Variants in MAP2K5 observed in about 807,000 individuals in gnomAD.
MAP2K5 encodes mitogen-activated protein kinase kinase 5.
MAP2K5 carries 49 observed loss-of-function variants against 83.1 expected under a neutral mutation model. The ratio of observed to expected loss-of-function variants is 0.59; its 90% CI spans 0.47 to 0.75. The LOEUF is 0.75. Ranked by LOEUF, MAP2K5 falls within the 30% of genes least tolerant of loss-of-function variation. The probability of loss-of-function intolerance (pLI) is 0.00; values close to 1 mark genes in which losing one functional copy is unlikely to be tolerated. For synonymous variants in MAP2K5, 202 were observed against 191.8 expected (o/e 1.05, Z -0.44); for missense variants, 457 against 557.5 (o/e 0.82, Z 1.82).
In MAP2K5 at chr15:67,722,254, CCTCA is replaced by C. The variant is rs1201454381; in HGVS notation, c.1045-5658_1045-5655del. ...GTTATACATTAAAAATTGAAGCTTT[CCTCA>C]CTCTGAGGCCTTTCAAGGCTTTGTT... On this transcript the variant is annotated intron_variant, in intron 16 of 21. Coordinates refer to ENST00000178640, the MANE Select transcript of MAP2K5 (RefSeq NM_145160.3). This position sits in a 1 kb window ranked among gnomAD's most constrained non-coding sequence, Gnocchi z 4.2. Among the ~76,000 whole-genome samples the C allele has an allele frequency of 6.6e-6, 1 of 152,190 alleles. No individual in the cohort carries two copies. The highest frequency in any genetic ancestry group is 2.4e-5 in the African/African-American group (1 of 41,436).
chr15:67,756,634 A>G (rs1413168998), intron 19 of MAP2K5, among the ~76,000 whole-genome samples: 2 of 150,454 alleles, frequency 1.3e-5, no homozygotes, highest in African/African-American at 4.9e-5. Context: ...TATACTCACC[A>G]TGCTATATTT....
intron 19 of MAP2K5, among the ~76,000 whole-genome samples, chr15:67,756,710 C>T (rs1377901080): frequency 3.3e-5 from 5 of 152,150 alleles, no homozygotes; most frequent in African/African-American, 1.2e-4. Flanking sequence ...CTCCAAGCCC[C>T]TGGTAACTAC....
chr15:67,762,886 C>A (rs367991311), intron 19 of MAP2K5, among the ~76,000 whole-genome samples: 3 of 152,138 alleles, frequency 2.0e-5, no homozygotes, highest in Admixed American at 2.0e-4. Flanking sequence ...GCCTTTACCC[C>A]GTGGTTCCAG....
Position 67,801,462 on chromosome 15 carries a change from C to T in MAP2K5, c.1243-5184C>T, listed in dbSNP as rs144439366. Reference sequence around the variant, plus strand: ...GTGCTCACCCTGAGGCAGAGCAGTCCTGTGGTCCAGAGAGCCACCAAATGT... The same window carrying T: ...GTGCTCACCCTGAGGCAGAGCAGTCTTGTGGTCCAGAGAGCCACCAAATGT... On this transcript the variant is annotated intron_variant, in intron 21 of 21. Transcript: ENST00000178640. The surrounding 1 kb of genome is among the most constrained non-coding windows in gnomAD (Gnocchi z 4.8). Among the ~76,000 whole-genome samples, 40 of 152,302 alleles carry T rather than the reference C, an allele frequency of 2.6e-4. 1 individual carries two copies. The highest frequency in any genetic ancestry group is 2.0e-3 in the Admixed American group (31 of 15,298).
chr15:67,550,115 C>T, intron 2 of MAP2K5, 33 bp downstream of exon 2: 1 of 1,589,560 alleles, frequency 6.3e-7, no homozygotes, highest in Non-Finnish European at 8.6e-7. Flanking sequence ...CTTGACTATT[C>T]CTTTCTGCAG....
intron 8 of MAP2K5, among the ~76,000 whole-genome samples, chr15:67,611,515 G>A (rs1156809768): frequency 1.3e-5 from 2 of 152,100 alleles, no homozygotes; most frequent in Non-Finnish European, 2.9e-5. Context: ...GATGCCAAGA[G>A]GTACTCAGAG....
intron 16 of MAP2K5, among the ~76,000 whole-genome samples, chr15:67,727,356 C>T (rs1434963807): frequency 6.6e-6 from 1 of 152,198 alleles, no homozygotes; most frequent in East Asian, 1.9e-4. Context: ...CAGACTTAGA[C>T]CTACAGTTCT....
rs914665071 is a variant in MAP2K5, at chr15:67,755,216, T to A, written c.1134+6615T>A. ...CTGGTCTCAAACTCCTGACCTCAAG[T>A]GATCGCCCGCCTCAGCCTCCCAAAG... On this transcript the variant is annotated intron_variant, in intron 19 of 21. Coordinates refer to ENST00000178640, the MANE Select transcript of MAP2K5 (RefSeq NM_145160.3). The surrounding 1 kb of genome is among the most constrained non-coding windows in gnomAD (Gnocchi z 4.7). Among the ~76,000 whole-genome samples the A allele has an allele frequency of 6.6e-6, 1 of 152,100 alleles. No homozygotes were observed. Among genetic ancestry groups the A allele is most frequent in the African/African-American group, 2.4e-5 (1 of 41,400 alleles).
In MAP2K5 at chr15:67,769,613, C is replaced by CT; in HGVS notation, c.1146_1147insT (p.Leu383SerfsTer29). On this transcript the variant is annotated frameshift_variant, in exon 20 of 22. Transcript: ENST00000178640. LOFTEE classifies it high-confidence loss of function. The surrounding 1 kb of genome is among the most constrained non-coding windows in gnomAD (Gnocchi z 5.2). Reference sequence around the variant, plus strand: ...TTCCTCCATCACAGGATTCGCCCGTCCTTCCAGTTGGAGAGTTCTCGGAGC... The same window carrying CT: ...TTCCTCCATCACAGGATTCGCCCGTCTCTTCCAGTTGGAGAGTTCTCGGAGC... 1 of 1,613,796 alleles carries CT rather than the reference C, an allele frequency of 6.2e-7. No individual in the cohort carries two copies. The highest frequency in any genetic ancestry group is 8.5e-7 in the Non-Finnish European group (1 of 1,179,772).
chr15:67,549,905 T>C (rs2084473164), intron 1 of MAP2K5, 129 bp from the exon 2 acceptor site: 3 of 681,892 alleles, frequency 4.4e-6, no homozygotes, highest in African/African-American at 1.8e-5. Flanking sequence ...GATTATGAGC[T>C]AATGTTTTTA....
chr15:67,714,628 A>G (rs548404845), intron 16 of MAP2K5, among the ~76,000 whole-genome samples: 1 of 152,022 alleles, frequency 6.6e-6, no homozygotes, highest in Non-Finnish European at 1.5e-5. Context: ...GGTGTGTTTC[A>G]CTCAAATACT....
rs996637468 is a variant in MAP2K5, at chr15:67,702,547, A to T, written c.973-790A>T. On this transcript the variant is annotated intron_variant, in intron 15 of 21. Coordinates refer to ENST00000178640, the MANE Select transcript of MAP2K5 (RefSeq NM_145160.3). The surrounding 1 kb of genome is among the most constrained non-coding windows in gnomAD (Gnocchi z 4.6). ...TCATTTGTTCACGTGTTCATTCCAA[A>T]GCCATCTATGAAGTACTGTACTGAA... 6.6e-6 allele frequency among the ~76,000 whole-genome samples: 1 copy of T among 152,208 alleles called. No individual in the cohort carries two copies. The highest frequency in any genetic ancestry group is 1.5e-5 in the Non-Finnish European group (1 of 68,038).
At chr15:67,684,289 G>T (rs552623422) in intron 13 of MAP2K5, among the ~76,000 whole-genome samples, 1 of 152,194 alleles carries the variant, frequency 6.6e-6, no homozygotes, top group Non-Finnish European at 1.5e-5. Flanking sequence ...CAATAATCCA[G>T]TGTAGAGAGG....
rs566823123 is a variant in MAP2K5 at position 67,676,758 on chromosome 15, A to G, written c.847+12113A>G. 6.6e-6 allele frequency among the ~76,000 whole-genome samples: 1 copy of G among 152,326 alleles called. No individual in the cohort carries two copies. Among genetic ancestry groups the G allele is most frequent in the East Asian group, 1.9e-4 (1 of 5,184 alleles). On this transcript the variant is annotated intron_variant, in intron 13 of 21. Coordinates refer to ENST00000178640, the MANE Select transcript of MAP2K5 (RefSeq NM_145160.3). This position sits in a 1 kb window ranked among gnomAD's most constrained non-coding sequence, Gnocchi z 4.8. ...ATCTCCATTCTTAGGTGAAGCAATC[A>G]AGGCTCAAGCAGCCTAAAAAACTTG...
chr15:67,634,005 TA>T (rs527779470), intron 9 of MAP2K5, among the ~76,000 whole-genome samples: 47 of 152,204 alleles, frequency 3.1e-4, no homozygotes, highest in African/African-American at 1.1e-3. Flanking sequence ...TAAATTGTTT[TA>T]AATTTGTTGA....
At chr15:67,791,100 C>T (rs2090509790) in intron 21 of MAP2K5, among the ~76,000 whole-genome samples, 1 of 152,204 alleles carries the variant, frequency 6.6e-6, no homozygotes, top group East Asian at 1.9e-4. Flanking sequence ...AGGAGCCAAG[C>T]ATCTTCTTTT....
chr15:67,584,672 CT>C (rs36111747), intron 4 of MAP2K5, among the ~76,000 whole-genome samples: 307 of 106,072 alleles, frequency 2.9e-3, no homozygotes, highest in Middle Eastern at 5.3e-3. Flanking sequence ...ATATCTTCTC[CT>C]TTTTTTTTTT....
intron 13 of MAP2K5, among the ~76,000 whole-genome samples, chr15:67,679,472 T>C (rs563079165): frequency 6.6e-6 from 1 of 152,276 alleles, no homozygotes; most frequent in East Asian, 1.9e-4. Flanking sequence ...ACCAAATTTT[T>C]CATGTTTGAA....
chr15:67,713,684 C>G (rs1046546131), intron 16 of MAP2K5, among the ~76,000 whole-genome samples: 2 of 151,456 alleles, frequency 1.3e-5, no homozygotes, highest in African/African-American at 4.9e-5. Context: ...TGCAGTGAGC[C>G]GAGATCACGC....
Sources: gnomAD v4.1 joint callset for allele counts (sites outside exome capture counted in the v4.1 genomes callset) on GRCh38, gnomAD v4.1.1 for gene constraint, Gnocchi (gnomAD v3.1) non-coding constraint, MANE v1.5 for transcripts, NCBI Gene and HGNC (gene_info 2026-07-23, HGNC 2026-07-21) for gene names.